The following METTL9 variants were observed in gnomAD, a reference collection of about 807,000 sequenced individuals.
METTL9 encodes methyltransferase 9, His-X-His N1(pi)-histidine.
In METTL9, 10 loss-of-function variants were observed where a neutral mutation model predicts 36.0. The ratio of observed to expected loss-of-function variants is 0.28; its 90% CI spans 0.17 to 0.47. The LOEUF is 0.47. METTL9 is among the 20% of genes least tolerant of loss of function. The pLI is 0.99. For synonymous variants in METTL9, 175 were observed against 149.7 expected (o/e 1.17, Z -1.23); for missense variants, 246 against 383.5 (o/e 0.64, Z 3.00).
chr16:21,618,158 T>C, intron 3 of METTL9, 84 bp downstream of exon 3: 1 of 1,062,174 alleles, frequency 9.4e-7, no homozygotes. Flanking sequence ...CTTCCATGAT[T>C]AGAAATTTAA....
intron 4 of METTL9, among the ~76,000 whole-genome samples, chr16:21,635,824 C>G (rs564631577): frequency 1.3e-5 from 2 of 152,226 alleles, no homozygotes; most frequent in East Asian, 3.9e-4. Context: ...CTGCAGCAGT[C>G]CCCGGACCCT....
rs1352708455 is a variant in METTL9, at chr16:21,612,891, A to G, written c.356+56A>G. The G allele has an allele frequency of 2.1e-6, 3 of 1,432,034 alleles. No individual in the cohort carries two copies. In the East Asian group the frequency reaches 7.3e-5, roughly 35 times the overall value. The allele number at this position is 1,432,034 out of a possible 1,614,324, so 88.7% of individuals were successfully genotyped here. ...TTTATCCTTAGGTTTACAAAAGGAA[A>G]AACACAAAAAGAAAAGTTATCTTGT... On this transcript the variant is annotated intron_variant, in intron 2 of 4. Coordinates refer to ENST00000358154, the MANE Select transcript of METTL9 (RefSeq NM_016025.5).
chr16:21,612,985 T>A, intron 2 of METTL9, 150 bp downstream of exon 2: 1 of 662,426 alleles, frequency 1.5e-6, no homozygotes, highest in Non-Finnish European at 2.4e-6. Flanking sequence ...TCCAGCGTTC[T>A]ATCTTTCTGT....
intron 1 of METTL9, among the ~76,000 whole-genome samples, chr16:21,602,084 CTG>C (rs1965147553): frequency 6.6e-6 from 1 of 152,040 alleles, no homozygotes; most frequent in Non-Finnish European, 1.5e-5. Flanking sequence ...TGTGAAGTAA[CTG>C]TAACTGTTTT....
chr16:21,627,240 T>G, intron 4 of METTL9: 1 of 985,148 alleles, frequency 1.0e-6, no homozygotes, highest in African/African-American at 1.7e-5. Flanking sequence ...TGTAGATTCA[T>G]GAATGCTGGA....
In METTL9 at chr16:21,657,322, C is replaced by A. The variant is rs775532137; in HGVS notation, c.*1890C>A. 23 of 152,198 alleles carry A rather than the reference C, an allele frequency of 1.5e-4. No homozygotes were observed. Among genetic ancestry groups the A allele is most frequent in the Non-Finnish European group, 2.8e-4 (19 of 68,004 alleles). 9.4% of individuals were successfully genotyped at this position (152,198 alleles called of 1,614,324 possible). ...TGAAAATTGAAACCAAATCCACTCACATTTCCTATCGGGTCTTGAAATTCT... is the reference window on the plus strand; with the variant it reads ...TGAAAATTGAAACCAAATCCACTCAAATTTCCTATCGGGTCTTGAAATTCT... On this transcript the variant is annotated 3_prime_UTR_variant, in exon 5 of 5. Coordinates refer to ENST00000358154, the MANE Select transcript of METTL9 (RefSeq NM_016025.5).
At chr16:21,644,239 T>G in intron 4 of METTL9, 5 of 1,256,530 alleles carry the variant, frequency 4.0e-6, no homozygotes, top group Non-Finnish European at 5.8e-6. Flanking sequence ...ATTTTTCTTT[T>G]GATAATATTC....
At chr16:21,646,218 T>C (rs189480022) in intron 4 of METTL9, among the ~76,000 whole-genome samples, 1 of 152,258 alleles carries the variant, frequency 6.6e-6, no homozygotes, top group East Asian at 1.9e-4. Flanking sequence ...TTGGTGAAAT[T>C]ACTGATAGGA....
At chr16:21,633,217 G>A (rs1567338645) in intron 4 of METTL9, among the ~76,000 whole-genome samples, 1 of 152,142 alleles carries the variant, frequency 6.6e-6, no homozygotes, top group Non-Finnish European at 1.5e-5. Flanking sequence ...GGTCCCTCTG[G>A]CTAAGATTAG....
At position 21,631,306 on chromosome 16, in the gene METTL9, A is replaced by G. The variant is rs191577477; in HGVS notation, c.751+6191A>G. ...CCACAAGATTAGAAGTTAGGATAATATATGTTTACACTGTTAACTTTTAGC... is the reference window on the plus strand; with the variant it reads ...CCACAAGATTAGAAGTTAGGATAATGTATGTTTACACTGTTAACTTTTAGC... On this transcript the variant is annotated intron_variant, in intron 4 of 4. Transcript: ENST00000358154. Among the ~76,000 whole-genome samples the G allele has an allele frequency of 3.0e-4, 45 of 152,320 alleles. 1 individual carries two copies. The East Asian group carries it at 3.3e-3, about 11-fold the overall frequency.
At chr16:21,621,205 G>A (rs1008352296) in intron 3 of METTL9, among the ~76,000 whole-genome samples, 2 of 152,022 alleles carry the variant, frequency 1.3e-5, no homozygotes, top group East Asian at 3.9e-4. Context: ...AGAGACAGGA[G>A]TTTCATTATG....
intron 4 of METTL9, chr16:21,652,387 A>G: frequency 5.6e-6 from 3 of 538,016 alleles, no homozygotes; most frequent in South Asian, 3.6e-5. Context: ...TTCTCAGGGG[A>G]AAAAGGAAAC....
chr16:21,642,692 A>AT (rs143375720), intron 4 of METTL9, among the ~76,000 whole-genome samples: 6 of 152,012 alleles, frequency 3.9e-5, no homozygotes, highest in South Asian at 2.1e-4. Flanking sequence ...GTAACAAGTA[A>AT]TTTTTTTTCA....
upstream of METTL9, among the ~76,000 whole-genome samples, chr16:21,598,843 C>T (rs1048640249): frequency 6.6e-6 from 1 of 152,118 alleles, no homozygotes; most frequent in Non-Finnish European, 1.5e-5. Context: ...GCAGGGCCAT[C>T]AATACATCTA....
chr16:21,601,691 G>A (rs1965131128), intron 1 of METTL9, among the ~76,000 whole-genome samples: 1 of 151,514 alleles, frequency 6.6e-6, no homozygotes, highest in Non-Finnish European at 1.5e-5. Context: ...ACTAATACTG[G>A]TTTCAGATAC....
At chr16:21,631,756 G>C (rs973599378) in intron 4 of METTL9, among the ~76,000 whole-genome samples, 5 of 152,006 alleles carry the variant, frequency 3.3e-5, no homozygotes, top group Admixed American at 6.6e-5. Flanking sequence ...GTGCTTTCGC[G>C]CTACGCCCTT....
At chr16:21,638,693 G>A (rs1784798686) in intron 4 of METTL9, among the ~76,000 whole-genome samples, 1 of 152,174 alleles carries the variant, frequency 6.6e-6, no homozygotes, top group African/African-American at 2.4e-5. Context: ...GAATAGATCT[G>A]TTAGCCTGTG....
chr16:21,615,549 A>AC (rs1463665483), intron 2 of METTL9, among the ~76,000 whole-genome samples: 1 of 152,118 alleles, frequency 6.6e-6, no homozygotes, highest in Non-Finnish European at 1.5e-5. Flanking sequence ...ATAAATGTAG[A>AC]CCAGTCAGAT....
intron 4 of METTL9, chr16:21,654,989 AT>A (rs1966670155): frequency 3.8e-6 from 2 of 531,402 alleles, no homozygotes; most frequent in East Asian, 6.4e-5. Context: ...CTGGGCTTAC[AT>A]TTCCATACTG....
Sources: allele counts gnomAD v4.1 joint callset (sites outside exome capture counted in the v4.1 genomes callset), GRCh38; gene constraint gnomAD v4.1.1; transcripts MANE v1.5; gene names NCBI Gene and HGNC (gene_info 2026-07-23, HGNC 2026-07-21).